The following PSD2 variants were observed in gnomAD, a reference collection of about 807,000 sequenced individuals.
PSD2 encodes the protein PH and SEC7 domain-containing protein 2.
In PSD2, 38 loss-of-function variants were observed where a neutral mutation model predicts 69.8. The observed-to-expected ratio is 0.54, with a 90% CI of 0.42 to 0.71. The LOEUF (loss-of-function observed/expected upper bound fraction) is 0.71, where lower values mean the gene tolerates loss of function less well. PSD2 is among the 30% of genes least tolerant of loss of function. The pLI is 0.00. For missense variants in PSD2, 943 were observed against 1,014.5 expected (o/e 0.93, Z 0.96); for synonymous variants, 412 against 423.0 (o/e 0.97, Z 0.32).
chr5:139,793,809 T>C (rs1759461150), upstream of PSD2, among the ~76,000 whole-genome samples: 3 of 152,186 alleles, frequency 2.0e-5, no homozygotes, highest in Admixed American at 2.0e-4. Context: ...TGCCAGGTCT[T>C]GAGCACATCA....
intron 1 of PSD2, among the ~76,000 whole-genome samples, chr5:139,801,324 C>T (rs776296853): frequency 3.3e-5 from 5 of 152,146 alleles, no homozygotes; most frequent in Non-Finnish European, 4.4e-5. Flanking sequence ...TTATGGGGCT[C>T]CACTCCGCTG....
In PSD2 at chr5:139,836,898, T is replaced by A. The variant is rs1222168180; in HGVS notation, c.1491T>A (p.Asp497Glu). The A allele has an allele frequency of 1.9e-6, 3 of 1,614,030 alleles. No individual in the cohort carries two copies. The highest frequency in any genetic ancestry group is 2.5e-6 in the Non-Finnish European group (3 of 1,180,016). ...TGTKKVTRIL[D>E]GGNPFLDVPQ... is the part of the protein sequence containing the mutation. ...CGAAGAAGGTGACGCGAATCCTGGA[T>A]GGTGGCAACCCCTTCCTGGATGTCC... The change falls in exon 10 of 15, where the codon GAT (aspartate) becomes GAA (glutamate). Residue 497 changes from aspartate (D) to glutamate (E), a missense_variant. Asp to Glu is a conservative substitution (Grantham distance 45). Transcript: ENST00000274710.
chr5:139,754,257 C>A, the PSD2 span, among the ~76,000 whole-genome samples: 1 of 151,618 alleles, frequency 6.6e-6, no homozygotes, highest in Admixed American at 6.6e-5. Context: ...TGGGGAAACC[C>A]CATCTCTACA....
the PSD2 span, among the ~76,000 whole-genome samples, chr5:139,747,071 C>G: frequency 1.3e-5 from 2 of 152,168 alleles, no homozygotes; most frequent in African/African-American, 4.8e-5. The surrounding 1 kb of genome is among the most constrained non-coding windows in gnomAD (Gnocchi z 6.7). Flanking sequence ...TCCTCCCTCC[C>G]TTCTCTCTCT....
chr5:139,755,635 CTGTGTGTGTG>C, the PSD2 span, among the ~76,000 whole-genome samples: 21 of 146,338 alleles, frequency 1.4e-4, no homozygotes, highest in Admixed American at 1.3e-3. Flanking sequence ...TGCGGCCCTG[CTGTGTGTGTG>C]TGTGTGTGTG....
the PSD2 span, among the ~76,000 whole-genome samples, chr5:139,779,792 T>C: frequency 6.6e-6 from 1 of 152,244 alleles, no homozygotes; most frequent in Non-Finnish European, 1.5e-5. Context: ...CTACTCTTTT[T>C]ACCTGGCTGG....
At chr5:139,791,888 A>G (rs1171088929), upstream of PSD2, among the ~76,000 whole-genome samples, 2 of 152,254 alleles carry the variant, frequency 1.3e-5, no homozygotes, top group East Asian at 3.9e-4. Context: ...GACAGGAATT[A>G]GAGACAGCCA....
chr5:139,772,133 T>C, the PSD2 span, among the ~76,000 whole-genome samples: 1 of 150,826 alleles, frequency 6.6e-6, no homozygotes, highest in East Asian at 1.9e-4. Flanking sequence ...GCAGAGGGAG[T>C]GGGAGTGGGA....
chr5:139,831,522 C>T (rs1053973524), intron 7 of PSD2, among the ~76,000 whole-genome samples: 4 of 152,024 alleles, frequency 2.6e-5, no homozygotes, highest in African/African-American at 9.7e-5. Context: ...TTTCCCTGCT[C>T]TGTTAGCTTG....
At chr5:139,747,969 C>T in the PSD2 span, among the ~76,000 whole-genome samples, 10 of 152,254 alleles carry the variant, frequency 6.6e-5, no homozygotes, top group Non-Finnish European at 2.9e-5. The surrounding 1 kb of genome is among the most constrained non-coding windows in gnomAD (Gnocchi z 6.7). Flanking sequence ...CTTTGAGCAG[C>T]CAAATGCGAC....
chr5:139,813,181 G>A, intron 2 of PSD2, 128 bp from the exon 3 acceptor site: 3 of 701,390 alleles, frequency 4.3e-6, no homozygotes, highest in Non-Finnish European at 7.0e-6. Flanking sequence ...ATTGGCTGAA[G>A]GGATAAGTGA....
chr5:139,789,377 C>T, the PSD2 span, among the ~76,000 whole-genome samples: 1 of 152,216 alleles, frequency 6.6e-6, no homozygotes, highest in Non-Finnish European at 1.5e-5. Context: ...GAACACCTGA[C>T]TGAAGTAGCC....
chr5:139,752,664 A>G, the PSD2 span, among the ~76,000 whole-genome samples: 3 of 152,160 alleles, frequency 2.0e-5, no homozygotes, highest in Non-Finnish European at 4.4e-5. Flanking sequence ...AGACAGGTAC[A>G]CACAGGCACA....
At chr5:139,753,468 A>T in the PSD2 span, among the ~76,000 whole-genome samples, 1 of 152,180 alleles carries the variant, frequency 6.6e-6, no homozygotes, top group Non-Finnish European at 1.5e-5. Flanking sequence ...TGGCTCATAA[A>T]GTCCCCTTAT....
At chr5:139,758,867 A>G in the PSD2 span, among the ~76,000 whole-genome samples, 1 of 151,316 alleles carries the variant, frequency 6.6e-6, no homozygotes, top group Non-Finnish European at 1.5e-5. Context: ...CATTGGGGAA[A>G]TGGGATCTTG....
At position 139,840,089 on chromosome 5, in the gene PSD2, C is replaced by T; in HGVS notation, c.2031C>T (p.His677=). ...LRQLTAELAE[H]RCHPVERGIK... ...AGCTGACTGCGGAGCTGGCCGAACA[C>T]AGGTGTCACCCAGTCGAGAGGGGCA... Residue 677 remains histidine (H), a synonymous_variant, in exon 14 of 15, where the codon CAC becomes CAT. Coordinates refer to ENST00000274710, the MANE Select transcript of PSD2 (RefSeq NM_032289.4). 6.2e-7 allele frequency: 1 copy of T among 1,614,228 alleles called. No individual in the cohort carries two copies. Among genetic ancestry groups the T allele is most frequent in the Non-Finnish European group, 8.5e-7 (1 of 1,180,040 alleles).
At chr5:139,752,759 C>T in the PSD2 span, among the ~76,000 whole-genome samples, 1 of 152,200 alleles carries the variant, frequency 6.6e-6, no homozygotes, top group East Asian at 1.9e-4. Flanking sequence ...CACAAGCTCT[C>T]GCCCCCAGCC....
the PSD2 span, among the ~76,000 whole-genome samples, chr5:139,779,725 C>T: frequency 0.07 from 10,655 of 152,280 alleles, 442 homozygotes; most frequent in Non-Finnish European, 0.091. Flanking sequence ...GATTTCTTTC[C>T]ACCATAGCTT....
the PSD2 span, among the ~76,000 whole-genome samples, chr5:139,768,702 A>G: frequency 2.3e-4 from 35 of 151,536 alleles, no homozygotes; most frequent in African/African-American, 8.3e-4. Flanking sequence ...CAGCCTGGGC[A>G]ACAAGAGCAA....
Sources: gnomAD v4.1 joint callset for allele counts (sites outside exome capture counted in the v4.1 genomes callset) on GRCh38, gnomAD v4.1.1 for gene constraint, Gnocchi (gnomAD v3.1) non-coding constraint, MANE v1.5 for transcripts, NCBI Gene and HGNC (gene_info 2026-07-23, HGNC 2026-07-21) for gene names.